Variants in CDH13 observed in about 807,000 individuals in gnomAD.
The protein encoded by CDH13 is cadherin-13.
CDH13 carries 24 observed loss-of-function variants against 63.8 expected under a neutral mutation model. That is an observed-to-expected ratio of 0.38 (90% CI 0.27 to 0.53). The LOEUF is 0.53. Among genes scored for constraint, CDH13 ranks in the 20% least tolerant of loss-of-function variants. The probability of loss-of-function intolerance (pLI) is 0.85; values close to 1 mark genes in which losing one functional copy is unlikely to be tolerated. For synonymous variants in CDH13, 503 were observed against 355.3 expected (o/e 1.42, Z -4.67); for missense variants, 1,049 against 903.1 (o/e 1.16, Z -2.07).
intron 4 of CDH13, among the ~76,000 whole-genome samples, chr16:83,146,497 T>C (rs2036757241): frequency 6.6e-6 from 1 of 151,186 alleles, no homozygotes; most frequent in Non-Finnish European, 1.5e-5. Flanking sequence ...GGCCATCCTA[T>C]CTAAGGCTGG....
intron 11 of CDH13, among the ~76,000 whole-genome samples, chr16:83,751,878 G>A (rs940529675): frequency 3.3e-5 from 5 of 152,224 alleles, no homozygotes; most frequent in African/African-American, 1.2e-4. Flanking sequence ...GTTTTCGGAG[G>A]GTGGGTGTTG....
intron 8 of CDH13, among the ~76,000 whole-genome samples, chr16:83,655,656 C>A (rs1912803106): frequency 6.6e-6 from 1 of 152,164 alleles, no homozygotes; most frequent in African/African-American, 2.4e-5. Context: ...GAAGCTGTTG[C>A]AGGGCTGCGA....
intron 1 of CDH13, chr16:82,824,664 A>G (rs2038159660): frequency 6.6e-6 from 1 of 152,222 alleles, no homozygotes; most frequent in Admixed American, 6.5e-5. Context: ...GCAATCTGCG[A>G]ACTTCCACTG....
chr16:83,662,623 C>A (rs1692831442), intron 8 of CDH13, among the ~76,000 whole-genome samples: 1 of 152,070 alleles, frequency 6.6e-6, no homozygotes, highest in African/African-American at 2.4e-5. Flanking sequence ...GGGGTATTAT[C>A]CTATTGTACA....
chr16:82,866,732 T>C (rs994191428), intron 2 of CDH13, among the ~76,000 whole-genome samples: 2 of 151,960 alleles, frequency 1.3e-5, no homozygotes, highest in Admixed American at 6.6e-5. Flanking sequence ...CTTACAATCA[T>C]GGTGGAAGGC....
At chr16:83,066,900 G>A (rs2032059816) in intron 3 of CDH13, among the ~76,000 whole-genome samples, 1 of 152,178 alleles carries the variant, frequency 6.6e-6, no homozygotes, top group Non-Finnish European at 1.5e-5. Flanking sequence ...AAAGGCACTG[G>A]ACTAAGAAAG....
chr16:83,532,468 T>G (rs954055359), intron 7 of CDH13, among the ~76,000 whole-genome samples: 1 of 152,202 alleles, frequency 6.6e-6, no homozygotes, highest in Non-Finnish European at 1.5e-5. Context: ...TAAATGAATA[T>G]TTGTCTTCCC....
At position 83,678,402 on chromosome 16, in the gene CDH13, C is replaced by A. The variant is rs1351247468; in HGVS notation, c.1479C>A (p.Gly493=). ...CCAGGCAGGAGGACCTCTCTGTGGG[C>A]AGCGTGCTGCTGACAGTGAATGCCA... ...MVTRQEDLSV[G]SVLLTVNATD... The change falls in exon 10 of 14, where the codon GGC becomes GGA. Residue 493 remains glycine, a synonymous_variant. Transcript: ENST00000567109. 1 of 1,613,888 alleles carries A rather than the reference C, an allele frequency of 6.2e-7. No individual in the cohort carries two copies. Among genetic ancestry groups the A allele is most frequent in the Non-Finnish European group, 8.5e-7 (1 of 1,179,910 alleles).
chr16:82,818,139 T>TGTGTGTGTGTGTG (rs1555523731), intron 1 of CDH13, among the ~76,000 whole-genome samples: 2 of 151,348 alleles, frequency 1.3e-5, no homozygotes, highest in African/African-American at 4.9e-5. Context: ...TGTGTGTGTG[T>TGTGTGTGTGTGTG]TTTGGGAAGA....
At chr16:82,764,859 G>T (rs1156683408) in intron 1 of CDH13, among the ~76,000 whole-genome samples, 1 of 145,740 alleles carries the variant, frequency 6.9e-6, no homozygotes, top group Non-Finnish European at 1.5e-5. Flanking sequence ...TTGTCATCCA[G>T]TCTGGAGTGC....
intron 1 of CDH13, among the ~76,000 whole-genome samples, chr16:82,703,895 C>T (rs764030537): frequency 1.3e-5 from 2 of 152,144 alleles, no homozygotes; most frequent in Admixed American, 6.5e-5. Context: ...TACCCAGCTT[C>T]GGGGGCTCCA....
chr16:82,992,195 G>T (rs1190524876), intron 2 of CDH13, among the ~76,000 whole-genome samples: 1 of 152,266 alleles, frequency 6.6e-6, no homozygotes, highest in South Asian at 2.1e-4. Flanking sequence ...TCCAGCCTCT[G>T]TTGTGAGCTA....
chr16:83,272,641 T>C (rs1181719512), intron 5 of CDH13, among the ~76,000 whole-genome samples: 2 of 152,260 alleles, frequency 1.3e-5, no homozygotes, highest in Non-Finnish European at 2.9e-5. Flanking sequence ...CTCTAGCAAA[T>C]CATAATCATT....
intron 7 of CDH13, among the ~76,000 whole-genome samples, chr16:83,553,241 T>C (rs2075542406): frequency 6.6e-6 from 1 of 152,242 alleles, no homozygotes; most frequent in Non-Finnish European, 1.5e-5. Context: ...ATGATTGGGA[T>C]GTAATATCTA....
chr16:83,767,255 C>A (rs1000869065), intron 11 of CDH13, among the ~76,000 whole-genome samples: 93 of 152,152 alleles, frequency 6.1e-4, no homozygotes, highest in African/African-American at 1.9e-3. Context: ...ACCCAAATCT[C>A]ACCTTGAGTG....
chr16:83,370,504 G>A (rs2091346671), intron 6 of CDH13, among the ~76,000 whole-genome samples: 1 of 151,212 alleles, frequency 6.6e-6, no homozygotes, highest in South Asian at 2.1e-4. Context: ...TACATGTGCA[G>A]GTTTGTTATA....
intron 11 of CDH13, among the ~76,000 whole-genome samples, chr16:83,748,528 C>T (rs1443223163): frequency 6.6e-6 from 1 of 152,150 alleles, no homozygotes; most frequent in Non-Finnish European, 1.5e-5. Context: ...GGTTAGAAAG[C>T]CACGCTGATG....
intron 3 of CDH13, among the ~76,000 whole-genome samples, chr16:83,054,737 A>G (rs2030744283): frequency 6.6e-6 from 1 of 152,180 alleles, no homozygotes; most frequent in Non-Finnish European, 1.5e-5. Flanking sequence ...AAAACCCATC[A>G]TCATAGCTGA....
chr16:83,662,071 A>G (rs369563520), intron 8 of CDH13, among the ~76,000 whole-genome samples: 2 of 152,214 alleles, frequency 1.3e-5, no homozygotes, highest in African/African-American at 4.8e-5. Flanking sequence ...TGAGGGGGAC[A>G]TTAGTATCAG....
Sources: gnomAD v4.1 joint callset for allele counts (sites outside exome capture counted in the v4.1 genomes callset) on GRCh38, gnomAD v4.1.1 for gene constraint, MANE v1.5 for transcripts, NCBI Gene and HGNC (gene_info 2026-07-23, HGNC 2026-07-21) for gene names.